IKZF2: variants seen among roughly 807,000 people sequenced by gnomAD.
IKZF2 encodes IKAROS family zinc finger 2.
IKZF2 carries 15 observed loss-of-function variants against 49.2 expected under a neutral mutation model. That is an observed-to-expected ratio of 0.30 (90% CI 0.20 to 0.47). The LOEUF (loss-of-function observed/expected upper bound fraction) is 0.47. Among genes scored for constraint, IKZF2 ranks in the 20% least tolerant of loss-of-function variants. The probability of loss-of-function intolerance (pLI) is 1.00; values close to 1 mark genes in which losing one functional copy is unlikely to be tolerated. For synonymous variants in IKZF2, 227 were observed against 221.4 expected (o/e 1.03, Z -0.23); for missense variants, 567 against 664.6 (o/e 0.85, Z 1.61).
At chr2:213,129,960 A>G (rs2060419067) in intron 4 of IKZF2, among the ~76,000 whole-genome samples, 1 of 152,196 alleles carries the variant, frequency 6.6e-6, no homozygotes, top group African/African-American at 2.4e-5. Context: ...GTATCTAAAG[A>G]AATAAACTGA....
intron 4 of IKZF2, among the ~76,000 whole-genome samples, chr2:213,128,222 A>G (rs1272533377): frequency 1.3e-5 from 2 of 152,238 alleles, no homozygotes; most frequent in Non-Finnish European, 2.9e-5. Context: ...TTATCTAATA[A>G]ATATTAAAAA....
In IKZF2 at chr2:213,000,447, A is replaced by G. The variant is rs1694796127; in HGVS notation, c.*6913T>C. 1 of 151,724 alleles carries G rather than the reference A, an allele frequency of 6.6e-6. No individual in the cohort carries two copies. The highest frequency in any genetic ancestry group is 2.4e-5 in the African/African-American group (1 of 41,340). 9.4% of individuals were successfully genotyped at this position (151,724 alleles called of 1,614,324 possible). On this transcript the variant is annotated 3_prime_UTR_variant, in exon 9 of 9. Coordinates refer to ENST00000434687, the MANE Select transcript of IKZF2 (RefSeq NM_001387220.1). ...AATTACCTTTGGTATTGTTAAAGAA[A>G]GAATATCTAAAATGGCCAAGACACA...
intron 8 of IKZF2, among the ~76,000 whole-genome samples, chr2:213,010,330 C>T (rs1157185921): frequency 6.6e-6 from 1 of 152,002 alleles, no homozygotes. Context: ...AAAATAGAAC[C>T]TGGAATAACA....
chr2:213,034,011 T>C (rs944319704), intron 6 of IKZF2, among the ~76,000 whole-genome samples: 22 of 152,252 alleles, frequency 1.4e-4, no homozygotes, highest in African/African-American at 4.8e-4. Context: ...CTGTAGCCTC[T>C]ACATCAGCAC....
intron 8 of IKZF2, among the ~76,000 whole-genome samples, chr2:213,012,326 C>G (rs1696054445): frequency 6.6e-6 from 1 of 151,772 alleles, no homozygotes; most frequent in South Asian, 2.1e-4. Flanking sequence ...AGTAACATCT[C>G]TAAGTCAGGA....
intron 6 of IKZF2, among the ~76,000 whole-genome samples, chr2:213,041,417 C>T (rs566777562): frequency 4.6e-5 from 7 of 152,058 alleles, no homozygotes; most frequent in Non-Finnish European, 8.8e-5. Context: ...ATCCTCCTGC[C>T]TCAGCCTCCC....
chr2:213,117,785 G>A (rs570267741), intron 4 of IKZF2, among the ~76,000 whole-genome samples: 5 of 152,292 alleles, frequency 3.3e-5, no homozygotes, highest in African/African-American at 1.2e-4. Context: ...CATAGTGTTA[G>A]TTTGTATAAT....
At chr2:213,128,946 C>G (rs973263547) in intron 4 of IKZF2, among the ~76,000 whole-genome samples, 1 of 151,786 alleles carries the variant, frequency 6.6e-6, no homozygotes, top group Non-Finnish European at 1.5e-5. Flanking sequence ...GCCACCACAT[C>G]TGGCCAAGAT....
intron 8 of IKZF2, among the ~76,000 whole-genome samples, chr2:213,008,348 C>T (rs1695586403): frequency 1.3e-5 from 2 of 151,730 alleles, no homozygotes; most frequent in South Asian, 4.1e-4. Flanking sequence ...TCTCATGCCT[C>T]AGCCACCTGA....
In IKZF2 at chr2:213,021,981, G is replaced by A; in HGVS notation, c.712+12C>T. On this transcript the variant is annotated intron_variant, in intron 7 of 8. Coordinates refer to ENST00000434687, the MANE Select transcript of IKZF2 (RefSeq NM_001387220.1). ...GGGGGAAATAAAAATGATGAATCCA[G>A]TTTCTACCCACCATGGTGACTCATG... 1 of 1,601,206 alleles carries A rather than the reference G, an allele frequency of 6.2e-7. No homozygotes were observed. The highest frequency in any genetic ancestry group is 8.5e-7 in the Non-Finnish European group (1 of 1,175,792).
intron 4 of IKZF2, among the ~76,000 whole-genome samples, chr2:213,129,666 T>C (rs1332768096): frequency 6.6e-6 from 1 of 152,068 alleles, no homozygotes; most frequent in Non-Finnish European, 1.5e-5. Flanking sequence ...ATGATCTGAT[T>C]TGGGTTTTAG....
intron 4 of IKZF2, among the ~76,000 whole-genome samples, chr2:213,109,493 C>CTT (rs11408442): frequency 4.7e-4 from 71 of 151,484 alleles, no homozygotes; most frequent in East Asian, 1.2e-3. Context: ...ATTAGTATCA[C>CTT]TTTTTTTTAA....
intron 8 of IKZF2, among the ~76,000 whole-genome samples, chr2:213,010,935 TTAAGGA>T (rs1695878460): frequency 6.6e-6 from 1 of 152,092 alleles, no homozygotes; most frequent in Admixed American, 6.6e-5. Flanking sequence ...TGCATAGCTG[TTAAGGA>T]TAAGTCTGAA....
chr2:213,015,115 A>G (rs1484842671), intron 7 of IKZF2: 1 of 152,042 alleles, frequency 6.6e-6, no homozygotes, highest in African/African-American at 2.4e-5. Flanking sequence ...TCAGTGCACA[A>G]TTCAGTTGAT....
intron 6 of IKZF2, among the ~76,000 whole-genome samples, chr2:213,036,664 C>T (rs1349112855): frequency 6.6e-6 from 1 of 152,020 alleles, no homozygotes; most frequent in African/African-American, 2.4e-5. Context: ...TATTTCTATA[C>T]AATTTAAAAG....
At chr2:213,038,334 C>CA (rs1319054407) in intron 6 of IKZF2, among the ~76,000 whole-genome samples, 2 of 152,186 alleles carry the variant, frequency 1.3e-5, no homozygotes, top group Non-Finnish European at 2.9e-5. Flanking sequence ...GCTGAGACTA[C>CA]AGGCGTGAGC....
At chr2:213,012,097 A>C (rs925558792) in intron 8 of IKZF2, among the ~76,000 whole-genome samples, 12 of 152,192 alleles carry the variant, frequency 7.9e-5, no homozygotes, top group South Asian at 6.2e-4. Context: ...GGCAATTTAT[A>C]ATAAGTGTGG....
intron 4 of IKZF2, among the ~76,000 whole-genome samples, chr2:213,069,035 C>T (rs1325670101): frequency 6.6e-6 from 1 of 152,074 alleles, no homozygotes; most frequent in Non-Finnish European, 1.5e-5. Context: ...GTTATGAAGA[C>T]TCTTCTGAAT....
chr2:213,118,248 G>A (rs892491323), intron 4 of IKZF2, among the ~76,000 whole-genome samples: 23 of 152,152 alleles, frequency 1.5e-4, no homozygotes, highest in African/African-American at 5.6e-4. Flanking sequence ...ATATTTAGAA[G>A]CTGTGGTTTT....
Sources: gnomAD v4.1 joint callset for allele counts (sites outside exome capture counted in the v4.1 genomes callset) on GRCh38, gnomAD v4.1.1 for gene constraint, MANE v1.5 for transcripts, NCBI Gene and HGNC (gene_info 2026-07-23, HGNC 2026-07-21) for gene names.